Variants in BCO2 observed in about 807,000 individuals in gnomAD.
The protein encoded by BCO2 is beta-carotene oxygenase 2.
BCO2 carries 56 observed loss-of-function variants against 65.8 expected under a neutral mutation model. The observed-to-expected ratio is 0.85, with a 90% CI of 0.69 to 1.06. The LOEUF (loss-of-function observed/expected upper bound fraction) is 1.06, where lower values mean the gene tolerates loss of function less well. BCO2 is among the 50% of genes least tolerant of loss of function. The probability of loss-of-function intolerance (pLI) is 0.00; values close to 1 mark genes in which losing one functional copy is unlikely to be tolerated. For synonymous variants in BCO2, 233 were observed against 242.3 expected, an observed-to-expected ratio of 0.96 and a Z score of 0.36; for missense variants, 675 against 698.5, an observed-to-expected ratio of 0.97 and a Z score of 0.38.
intron 5 of BCO2, among the ~76,000 whole-genome samples, chr11:112,199,245 G>A (rs945990441): frequency 2.6e-5 from 4 of 152,164 alleles, no homozygotes; most frequent in Admixed American, 1.3e-4. Context: ...TGCTGAGAAT[G>A]ATGGTTTCCA....
At chr11:112,194,610 G>A in intron 4 of BCO2, 43 bp from the exon 5 acceptor site, 1 of 1,154,214 alleles carries the variant, frequency 8.7e-7, no homozygotes, top group South Asian at 1.3e-5. Flanking sequence ...CATGTGAATA[G>A]AGATCTGCCC....
intron 9 of BCO2, among the ~76,000 whole-genome samples, chr11:112,214,211 A>G (rs889253661): frequency 6.6e-6 from 1 of 151,982 alleles, no homozygotes; most frequent in Non-Finnish European, 1.5e-5. Flanking sequence ...CAGTGGTGCT[A>G]TCTCGGCTCA....
intron 8 of BCO2, chr11:112,208,524 C>T: frequency 6.3e-6 from 1 of 159,480 alleles, no homozygotes; most frequent in Admixed American, 6.6e-5. Context: ...GCAAAGCTTG[C>T]AGCATTTTAC....
In BCO2 at chr11:112,179,436, T is replaced by C; in HGVS notation, c.247T>C (p.Ser83Pro). ...ACATTTTCCTAAGTGGCTCAATGGC[T>C]CTCTACTTCGAATTGGACCTGGGAA... Reference protein sequence around the residue: ...WGHFPKWLNGSLLRIGPGKFE... With the variant: ...WGHFPKWLNGPLLRIGPGKFE... The change falls in exon 2 of 12, where the codon TCT (serine) becomes CCT (proline). Residue 83 changes from serine (S) to proline (P), a missense_variant. By Grantham distance (74) the Ser-to-Pro change is moderately conservative. Transcript: ENST00000357685. 1 of 1,614,116 alleles carries C rather than the reference T, an allele frequency of 6.2e-7. No homozygotes were observed. The highest frequency in any genetic ancestry group is 8.5e-7 in the Non-Finnish European group (1 of 1,180,038).
chr11:112,201,548 A>G (rs1448434961), intron 7 of BCO2, among the ~76,000 whole-genome samples: 2 of 152,086 alleles, frequency 1.3e-5, no homozygotes, highest in Non-Finnish European at 2.9e-5. Context: ...ATGCTATTAT[A>G]TTTGCCTACT....
intron 8 of BCO2, among the ~76,000 whole-genome samples, chr11:112,207,152 G>A (rs887905335): frequency 6.6e-6 from 1 of 152,098 alleles, no homozygotes; most frequent in Non-Finnish European, 1.5e-5. Flanking sequence ...AATACTTAGG[G>A]CTTTATTTCT....
chr11:112,180,677 G>A (rs571553326), intron 2 of BCO2: 1 of 744,726 alleles, frequency 1.3e-6, no homozygotes, highest in African/African-American at 1.7e-5. Flanking sequence ...GCGAATCCAA[G>A]TGGGTGGAGG....
chr11:112,206,757 G>C (rs1391345440), intron 8 of BCO2, among the ~76,000 whole-genome samples: 1 of 152,010 alleles, frequency 6.6e-6, no homozygotes, highest in Non-Finnish European at 1.5e-5. Flanking sequence ...TTTTTGCAAG[G>C]AAAAAACCTG....
At chr11:112,216,545 A>C (rs559762593) in intron 11 of BCO2, among the ~76,000 whole-genome samples, 2 of 152,338 alleles carry the variant, frequency 1.3e-5, no homozygotes, top group Admixed American at 1.3e-4. Context: ...TTTGCAAAGG[A>C]ATTTGTTATT....
intron 1 of BCO2, among the ~76,000 whole-genome samples, chr11:112,177,760 C>G (rs1282613266): frequency 4.6e-5 from 7 of 152,022 alleles, no homozygotes; most frequent in Non-Finnish European, 7.4e-5. Context: ...CTTTCTCAAG[C>G]CTTCTTATTT....
chr11:112,180,883 A>G (rs2135347292), intron 2 of BCO2: 1 of 1,088,822 alleles, frequency 9.2e-7, no homozygotes, highest in Non-Finnish European at 1.4e-6. Flanking sequence ...AACTCGGCAT[A>G]AAAGCCACCA....
In BCO2 at chr11:112,200,818, A is replaced by G. The variant is rs748527939; in HGVS notation, c.1026+45A>G. ...TTTATCATGAAAATTGTTGGAAACA[A>G]AGGCAAATTTCCATATAGTTGATTT... On this transcript the variant is annotated intron_variant, in intron 7 of 11. Coordinates refer to ENST00000357685, the MANE Select transcript of BCO2 (RefSeq NM_031938.7). The G allele has an allele frequency of 1.8e-5, 28 of 1,590,820 alleles. No individual in the cohort carries two copies. In the African/African-American group the frequency reaches 3.7e-4, roughly 21 times the overall value.
intron 2 of BCO2, chr11:112,181,849 C>CA: frequency 1.0e-6 from 1 of 962,280 alleles, no homozygotes; most frequent in Non-Finnish European, 1.7e-6. Context: ...CTTTGCTGTT[C>CA]AAATCTTGAA....
At chr11:112,216,446 C>T in intron 11 of BCO2, 116 bp downstream of exon 11, 4 of 686,588 alleles carry the variant, frequency 5.8e-6, no homozygotes, top group South Asian at 5.5e-5. Flanking sequence ...CCCTTCTCTT[C>T]CCCTCCTTAC....
At chr11:112,208,420 C>CT (rs56317720) in intron 8 of BCO2, among the ~76,000 whole-genome samples, 130,628 of 143,038 alleles carry the variant, frequency 0.91, 60,034 homozygotes, top group East Asian at 0.98. Flanking sequence ...TGTATATTGG[C>CT]TTTTTTTTTT....
At chr11:112,213,989 T>C in intron 9 of BCO2, 128 bp downstream of exon 9, 2 of 733,212 alleles carry the variant, frequency 2.7e-6, no homozygotes, top group Non-Finnish European at 4.2e-6. Context: ...GTTAAGGTTA[T>C]GTAACATCGC....
chr11:112,218,836 G>A lies in BCO2; in HGVS notation c.*962G>A, dbSNP rs1161079550. On this transcript the variant is annotated 3_prime_UTR_variant, in exon 12 of 12. Transcript: ENST00000357685. ...TAGGGCTCTTACTTGAAATAATTAA[G>A]AAAGTATTGATACAACCTTTTGAAG... 1 of 152,178 alleles carries A rather than the reference G, an allele frequency of 6.6e-6. No homozygotes were observed. Among genetic ancestry groups the A allele is most frequent in the Non-Finnish European group, 1.5e-5 (1 of 68,034 alleles). The allele number at this position is 152,178 out of a possible 1,614,324, so 9.4% of individuals were successfully genotyped here. A position where few individuals can be genotyped will look rare whatever the true frequency, so the allele number is the denominator to read the frequency against.
chr11:112,192,398 T>G (rs1383556687), intron 2 of BCO2, among the ~76,000 whole-genome samples: 1 of 152,166 alleles, frequency 6.6e-6, no homozygotes, highest in Admixed American at 6.6e-5. Context: ...ATCAATGTGT[T>G]AAGCATATGA....
intron 2 of BCO2, among the ~76,000 whole-genome samples, chr11:112,186,321 C>T (rs1198737168): frequency 6.6e-6 from 1 of 152,264 alleles, no homozygotes; most frequent in African/African-American, 2.4e-5. Flanking sequence ...AAGTGGATGG[C>T]ATGGCTGGCC....
Sources: gnomAD v4.1 joint callset for allele counts (sites outside exome capture counted in the v4.1 genomes callset) on GRCh38, gnomAD v4.1.1 for gene constraint, MANE v1.5 for transcripts, NCBI Gene and HGNC (gene_info 2026-07-23, HGNC 2026-07-21) for gene names.